KIAA0825: variants seen among roughly 807,000 people sequenced by gnomAD.
KIAA0825 encodes the protein KIAA0825.
Under a neutral mutation model 147.6 loss-of-function variants are expected in KIAA0825, and 119 were observed. The ratio of observed to expected loss-of-function variants is 0.81; its 90% CI spans 0.69 to 0.94. The LOEUF is 0.94. Among genes scored for constraint, KIAA0825 ranks in the 40% least tolerant of loss-of-function variants. The probability of loss-of-function intolerance (pLI) is 0.00; values close to 1 mark genes in which losing one functional copy is unlikely to be tolerated. For missense variants in KIAA0825, 1,381 were observed against 1,472.7 expected, an observed-to-expected ratio of 0.94 and a Z score of 1.02; for synonymous variants, 470 against 518.1, an observed-to-expected ratio of 0.91 and a Z score of 1.26.
intron 20 of KIAA0825, among the ~76,000 whole-genome samples, chr5:94,339,078 C>A (rs1782096640): frequency 6.6e-6 from 1 of 151,834 alleles, no homozygotes; most frequent in Admixed American, 6.6e-5. Flanking sequence ...ATTAATAATG[C>A]TTTTTTACAT....
At chr5:94,616,421 G>A (rs961899658) in intron 1 of KIAA0825, among the ~76,000 whole-genome samples, 3 of 152,140 alleles carry the variant, frequency 2.0e-5, no homozygotes, top group Non-Finnish European at 4.4e-5. Context: ...ATCCCCATCT[G>A]TTTGAGGGTT....
At chr5:94,245,844 C>T (rs1022410888) in intron 20 of KIAA0825, among the ~76,000 whole-genome samples, 14 of 151,990 alleles carry the variant, frequency 9.2e-5, no homozygotes, top group African/African-American at 3.1e-4. Flanking sequence ...GGTGGGTGCG[C>T]GGCGAGGAGG....
chr5:94,408,199 C>A (rs906320608), intron 15 of KIAA0825, among the ~76,000 whole-genome samples: 1 of 152,066 alleles, frequency 6.6e-6, no homozygotes, highest in Non-Finnish European at 1.5e-5. Flanking sequence ...GAGCAGGACA[C>A]CAAGACCTTT....
intron 5 of KIAA0825, among the ~76,000 whole-genome samples, chr5:94,493,720 C>G (rs1172825139): frequency 6.6e-6 from 1 of 152,148 alleles, no homozygotes; most frequent in Non-Finnish European, 1.5e-5. Flanking sequence ...AATCTCCTGA[C>G]CTTGGGATCT....
intron 20 of KIAA0825, among the ~76,000 whole-genome samples, chr5:94,306,622 T>G (rs1200731239): frequency 2.6e-5 from 4 of 151,830 alleles, no homozygotes; most frequent in Non-Finnish European, 4.4e-5. Context: ...TTGGTAAAGT[T>G]ACTTAGATAA....
At position 94,537,054 on chromosome 5, in the gene KIAA0825, A is replaced by T; in HGVS notation, c.73T>A (p.Leu25Met). 2 of 1,606,068 alleles carry T rather than the reference A, an allele frequency of 1.2e-6. No homozygotes were observed. The highest frequency in any genetic ancestry group is 1.7e-6 in the Non-Finnish European group (2 of 1,172,936). The part of the protein sequence containing the change: ...HCLLNSFPGD[L>M]EFEQIFSDID... ...TCACTGAAGATCTGCTCAAACTCCA[A>T]GTCTCCAGGAAATGAGTTTAACAAA... Residue 25 changes from leucine (L) to methionine (M), a missense_variant, in exon 3 of 21, where the codon TTG becomes ATG. Physicochemically the swap from Leu to Met is conservative, Grantham distance 15. Transcript: ENST00000682413.
chr5:94,260,749 A>C (rs1004679475), intron 20 of KIAA0825, among the ~76,000 whole-genome samples: 2 of 152,160 alleles, frequency 1.3e-5, no homozygotes, highest in African/African-American at 2.4e-5. Flanking sequence ...ATTACAGTGA[A>C]GAGAACTCAG....
intron 5 of KIAA0825, among the ~76,000 whole-genome samples, chr5:94,497,396 T>C (rs1185900574): frequency 6.6e-6 from 1 of 152,196 alleles, no homozygotes; most frequent in Non-Finnish European, 1.5e-5. Flanking sequence ...TGACAGAAAA[T>C]AATTATATAA....
At chr5:94,166,538 C>T (rs954823011) in intron 20 of KIAA0825, among the ~76,000 whole-genome samples, 68 of 123,792 alleles carry the variant, frequency 5.5e-4, no homozygotes, top group African/African-American at 1.3e-3. Context: ...GATGGAATCT[C>T]GCTCTGTCAC....
intron 20 of KIAA0825, among the ~76,000 whole-genome samples, chr5:94,242,564 ACCTT>A (rs1028447474): frequency 5.4e-5 from 8 of 148,172 alleles, no homozygotes; most frequent in Admixed American, 2.7e-4. Flanking sequence ...CTTCCTTCCT[ACCTT>A]CCTTCCTTCC....
intron 20 of KIAA0825, among the ~76,000 whole-genome samples, chr5:94,303,183 T>A (rs1185928863): frequency 6.6e-6 from 1 of 152,008 alleles, no homozygotes; most frequent in Non-Finnish European, 1.5e-5. Flanking sequence ...GAAATATAAT[T>A]TTCAGCTTAA....
At chr5:94,358,348 A>G (rs1275178438) in intron 20 of KIAA0825, among the ~76,000 whole-genome samples, 1 of 152,208 alleles carries the variant, frequency 6.6e-6, no homozygotes, top group East Asian at 1.9e-4. Context: ...GGATAAACCA[A>G]AGGTCTGTGG....
intron 2 of KIAA0825, among the ~76,000 whole-genome samples, chr5:94,540,187 G>C (rs961525456): frequency 7.2e-5 from 11 of 152,184 alleles, no homozygotes; most frequent in Non-Finnish European, 1.3e-4. Context: ...CTTCTACAAA[G>C]TTTTGATTAA....
At chr5:94,588,124 A>G (rs1269015688) in intron 1 of KIAA0825, among the ~76,000 whole-genome samples, 5 of 152,240 alleles carry the variant, frequency 3.3e-5, no homozygotes, top group Non-Finnish European at 7.3e-5. Flanking sequence ...TTCCCGACAT[A>G]GGCATGGGCA....
chr5:94,167,250 C>A (rs558466887), intron 20 of KIAA0825, among the ~76,000 whole-genome samples: 1 of 152,114 alleles, frequency 6.6e-6, no homozygotes, highest in Non-Finnish European at 1.5e-5. Context: ...TCAGTCCATC[C>A]CCTTTAGCAT....
At chr5:94,320,341 A>G (rs1780044814) in intron 20 of KIAA0825, among the ~76,000 whole-genome samples, 1 of 151,896 alleles carries the variant, frequency 6.6e-6, no homozygotes, top group Non-Finnish European at 1.5e-5. Context: ...GGAACATTTC[A>G]AGTCCTCTCT....
Position 94,556,405 on chromosome 5 carries a change from C to A in KIAA0825, c.-1-19278G>T, listed in dbSNP as rs893420978. Reference sequence around the variant, plus strand: ...ATGTCAATTACATTTTAAAGAAACTCTCTTTTAATAACTTAATAACAATGA... The same window carrying A: ...ATGTCAATTACATTTTAAAGAAACTATCTTTTAATAACTTAATAACAATGA... On this transcript the variant is annotated intron_variant, in intron 2 of 20. Coordinates refer to ENST00000682413, the MANE Select transcript of KIAA0825 (RefSeq NM_001145678.3). 2.2e-4 allele frequency among the ~76,000 whole-genome samples: 33 copies of A among 152,232 alleles called. No individual in the cohort carries two copies. The East Asian group carries it at 5.8e-3, about 27-fold the overall frequency.
chr5:94,335,504 G>A (rs1018430914), intron 20 of KIAA0825, among the ~76,000 whole-genome samples: 1 of 151,750 alleles, frequency 6.6e-6, no homozygotes, highest in African/African-American at 2.4e-5. Context: ...TTTTAAACTG[G>A]CTTTATAACT....
In KIAA0825 at chr5:94,554,969, T is replaced by A. The variant is rs538680921; in HGVS notation, c.-1-17842A>T. Among the ~76,000 whole-genome samples the A allele has an allele frequency of 7.3e-5, 11 of 151,698 alleles. 1 individual carries two copies. The East Asian group carries it at 2.1e-3, about 29-fold the overall frequency. The stretch of plus-strand genomic sequence containing the variant: ...TATAGACTTCAACTTTTACAAAAAA[T>A]TAATATTTTACCTCTTATATATGTT... On this transcript the variant is annotated intron_variant, in intron 2 of 20. Transcript: ENST00000682413.
Sources: gnomAD v4.1 joint callset for allele counts (sites outside exome capture counted in the v4.1 genomes callset) on GRCh38, gnomAD v4.1.1 for gene constraint, MANE v1.5 for transcripts, NCBI Gene and HGNC (gene_info 2026-07-23, HGNC 2026-07-21) for gene names.